Variants in RIMS1 observed in about 807,000 individuals in gnomAD.
The protein encoded by RIMS1 is regulating synaptic membrane exocytosis 1.
In RIMS1, 83 loss-of-function variants were observed where a neutral mutation model predicts 214.1. The observed-to-expected ratio is 0.39, with a 90% CI of 0.32 to 0.47. The LOEUF is 0.47. Among genes scored for constraint, RIMS1 ranks in the 20% least tolerant of loss-of-function variants. The probability of loss-of-function intolerance (pLI) is 0.99; values close to 1 mark genes in which losing one functional copy is unlikely to be tolerated. For synonymous variants in RIMS1, 793 were observed against 786.8 expected (o/e 1.01, Z -0.13); for missense variants, 2,050 against 2,161.8 (o/e 0.95, Z 1.03).
Position 71,959,425 on chromosome 6 carries a change from A to T in RIMS1, c.165-9558A>T, listed in dbSNP as rs114026677. ...GGCTCCCAGATGAGGGAGGAAAATG[A>T]ATGCTTTGTGGGGAAAAGACATACT... On this transcript the variant is annotated intron_variant, in intron 1 of 33. Coordinates refer to ENST00000521978, the MANE Select transcript of RIMS1 (RefSeq NM_014989.7). Among the ~76,000 whole-genome samples, 447 of 152,242 alleles carry T rather than the reference A, an allele frequency of 2.9e-3. 1 individual carries two copies. The highest frequency in any genetic ancestry group is 0.01 in the African/African-American group (427 of 41,568).
chr6:72,129,535 G>A (rs1219030223), intron 4 of RIMS1, among the ~76,000 whole-genome samples: 4 of 152,090 alleles, frequency 2.6e-5, no homozygotes, highest in African/African-American at 4.8e-5. Context: ...GCAGATAGAA[G>A]TAGTAAGAAA....
At chr6:72,318,122 C>T (rs1427179894) in intron 28 of RIMS1, among the ~76,000 whole-genome samples, 1 of 152,114 alleles carries the variant, frequency 6.6e-6, no homozygotes, top group African/African-American at 2.4e-5. Context: ...GTGTTATACT[C>T]ACATAAACAG....
chr6:72,095,267 C>G (rs557365515), intron 2 of RIMS1, among the ~76,000 whole-genome samples: 71 of 152,032 alleles, frequency 4.7e-4, no homozygotes, highest in African/African-American at 1.7e-3. Flanking sequence ...CCAGCCCTTC[C>G]TTAAAATAAT....
intron 6 of RIMS1, among the ~76,000 whole-genome samples, chr6:72,207,445 TC>T (rs1408387151): frequency 5.3e-5 from 8 of 152,210 alleles, no homozygotes; most frequent in Admixed American, 3.9e-4. Flanking sequence ...GCCTAACATT[TC>T]TACTTAGCTT....
At chr6:72,033,897 T>G (rs1818867840) in intron 2 of RIMS1, among the ~76,000 whole-genome samples, 1 of 152,262 alleles carries the variant, frequency 6.6e-6, no homozygotes, top group Non-Finnish European at 1.5e-5. Flanking sequence ...TTATAGAAAT[T>G]TTTTTAAAAA....
chr6:71,923,050 G>A (rs1027728405), intron 1 of RIMS1, among the ~76,000 whole-genome samples: 2 of 152,144 alleles, frequency 1.3e-5, no homozygotes, highest in Admixed American at 1.3e-4. Flanking sequence ...TTGATATTTA[G>A]GACTTTTCTC....
chr6:72,029,179 C>G (rs976716764), intron 2 of RIMS1, among the ~76,000 whole-genome samples: 2 of 152,092 alleles, frequency 1.3e-5, no homozygotes, highest in Non-Finnish European at 2.9e-5. Flanking sequence ...CTGCATTTTA[C>G]GTACCAAAGT....
intron 26 of RIMS1, among the ~76,000 whole-genome samples, chr6:72,296,275 T>C (rs1322990801): frequency 1.3e-5 from 2 of 151,950 alleles, no homozygotes; most frequent in South Asian, 4.1e-4. Context: ...TTTTCTTTGT[T>C]TCTGTTTGTT....
chr6:72,167,176 A>T (rs988064474), intron 4 of RIMS1, among the ~76,000 whole-genome samples: 3 of 151,768 alleles, frequency 2.0e-5, no homozygotes, highest in Non-Finnish European at 4.4e-5. Flanking sequence ...TTTCTTAAAT[A>T]TATATTTATA....
In RIMS1 at chr6:72,153,010, ATATATATGTGTGTGTG is replaced by A. The variant is rs1382348402; in HGVS notation, c.472-26547_472-26532del. The stretch of plus-strand genomic sequence containing the variant: ...ATATGGAATATATGTTTATATATGT[ATATATATGTGTGTGTG>A]TATATATGTGTGTGTGTGTATATAT... On this transcript the variant is annotated intron_variant, in intron 4 of 33. Transcript: ENST00000521978. Among the ~76,000 whole-genome samples the A allele has an allele frequency of 1.3e-3, 9 of 6,774 alleles. 1 individual carries two copies. The South Asian group carries it at 0.22, about 167-fold the overall frequency. 4.4% of individuals were successfully genotyped at this position (6,774 alleles called of 152,430 possible).
chr6:72,145,288 C>G (rs978539733), intron 4 of RIMS1, among the ~76,000 whole-genome samples: 1 of 152,172 alleles, frequency 6.6e-6, no homozygotes, highest in South Asian at 2.1e-4. Flanking sequence ...CTTGATGTCC[C>G]CAAGATAACT....
At chr6:72,056,571 A>G (rs994024651) in intron 2 of RIMS1, among the ~76,000 whole-genome samples, 12 of 152,106 alleles carry the variant, frequency 7.9e-5, no homozygotes, top group African/African-American at 2.9e-4. Context: ...TCATATTTTC[A>G]TATTTTGACT....
intron 2 of RIMS1, among the ~76,000 whole-genome samples, chr6:72,096,440 A>G (rs950458005): frequency 1.3e-5 from 2 of 152,226 alleles, no homozygotes; most frequent in Admixed American, 6.5e-5. Context: ...CAAAGTATGC[A>G]TCATGCTCAA....
chr6:71,990,964 T>A (rs78458917), intron 2 of RIMS1, among the ~76,000 whole-genome samples: 10,359 of 152,218 alleles, frequency 0.068, 530 homozygotes, highest in Non-Finnish European at 0.097. Flanking sequence ...ATAACAGAAT[T>A]CTGTCACATC....
intron 4 of RIMS1, among the ~76,000 whole-genome samples, chr6:72,167,441 G>A (rs1013297068): frequency 2.0e-5 from 3 of 152,038 alleles, no homozygotes; most frequent in African/African-American, 7.2e-5. Context: ...AAGCTGATCT[G>A]ATAAAGTGAG....
intron 1 of RIMS1, 27 bp from the exon 2 acceptor site, chr6:71,968,956 C>T (rs180963754): frequency 4.8e-5 from 77 of 1,590,542 alleles, no homozygotes; most frequent in African/African-American, 1.1e-4. Flanking sequence ...ATTAATAGTG[C>T]GTTGTGCTGT....
At chr6:72,196,384 TATC>T (rs2050913509) in intron 6 of RIMS1, among the ~76,000 whole-genome samples, 6 of 83,464 alleles carry the variant, frequency 7.2e-5, no homozygotes, top group Admixed American at 4.8e-4. Context: ...TCTGTCTATC[TATC>T]TATCTATCTA....
intron 2 of RIMS1, among the ~76,000 whole-genome samples, chr6:72,037,829 C>T (rs369956503): frequency 1.3e-5 from 2 of 151,608 alleles, no homozygotes; most frequent in Admixed American, 1.3e-4. Context: ...ATTTGAGAGA[C>T]ATCAATTGCC....
chr6:72,038,026 T>TC (rs1437773898), intron 2 of RIMS1, among the ~76,000 whole-genome samples: 1 of 136,658 alleles, frequency 7.3e-6, no homozygotes. Context: ...TAACCTATGA[T>TC]CCCAGCCTCT....
Sources: gnomAD v4.1 joint callset for allele counts (sites outside exome capture counted in the v4.1 genomes callset) on GRCh38, gnomAD v4.1.1 for gene constraint, MANE v1.5 for transcripts, NCBI Gene and HGNC (gene_info 2026-07-23, HGNC 2026-07-21) for gene names.